KLF13: variants seen among roughly 807,000 people sequenced by gnomAD.
The protein encoded by KLF13 is KLF transcription factor 13, also known as Krueppel-like factor 13.
Under a neutral mutation model 16.7 loss-of-function variants are expected in KLF13, and 8 were observed. That is an observed-to-expected ratio of 0.48 (90% CI 0.28 to 0.87). The LOEUF (loss-of-function observed/expected upper bound fraction) is 0.87, where lower values mean the gene tolerates loss of function less well. Among genes scored for constraint, KLF13 ranks in the 40% least tolerant of loss-of-function variants. KLF13 has a pLI of 0.10. For synonymous variants in KLF13, 245 were observed against 208.4 expected, an observed-to-expected ratio of 1.18 and a Z score of -1.51; for missense variants, 447 against 452.2, an observed-to-expected ratio of 0.99 and a Z score of 0.10.
upstream of KLF13, among the ~76,000 whole-genome samples, chr15:31,391,631 G>T (rs1367094582): frequency 2.0e-5 from 3 of 151,478 alleles, no homozygotes; most frequent in Admixed American, 1.3e-4. Context: ...GACGCTTCCG[G>T]GAGGTCTAGG....
chr15:31,340,787 T>C (rs1234748922), intron 1 of KLF13, among the ~76,000 whole-genome samples: 4 of 152,134 alleles, frequency 2.6e-5, no homozygotes, highest in Non-Finnish European at 5.9e-5. Flanking sequence ...GAGGATCACT[T>C]GAGCCCAGGA....
chr15:31,386,224 G>A (rs746478226), intron 1 of KLF13, among the ~76,000 whole-genome samples: 8 of 152,236 alleles, frequency 5.3e-5, no homozygotes, highest in Non-Finnish European at 7.3e-5. Flanking sequence ...TAGGCTGGGC[G>A]CAGTGGCTCA....
intron 1 of KLF13, among the ~76,000 whole-genome samples, chr15:31,431,614 G>A (rs557816874): frequency 5.7e-4 from 87 of 152,130 alleles, no homozygotes; most frequent in African/African-American, 2.0e-3. Flanking sequence ...ACAGGCACCC[G>A]TCATCATGTC....
chr15:31,394,347 C>T (rs1273211706), intron 2 of KLF13, among the ~76,000 whole-genome samples: 3 of 152,076 alleles, frequency 2.0e-5, no homozygotes, highest in Non-Finnish European at 2.9e-5. Flanking sequence ...ATTAGCCTGG[C>T]GTGGTGGCGG....
intron 1 of KLF13, among the ~76,000 whole-genome samples, chr15:31,370,751 C>T (rs1030939337): frequency 6.6e-6 from 1 of 152,168 alleles, no homozygotes; most frequent in African/African-American, 2.4e-5. Flanking sequence ...TGTATGGTAT[C>T]CTCTTTGCTT....
rs1364944007 is a variant in KLF13 at position 31,327,063 on chromosome 15, C to A, written c.-150C>A. 1.5e-6 allele frequency: 1 copy of A among 656,026 alleles called. No individual in the cohort carries two copies. Among genetic ancestry groups the A allele is most frequent in the Non-Finnish European group, 2.0e-6 (1 of 503,616 alleles). The allele number at this position is 656,026 out of a possible 1,614,324, so 40.6% of individuals were successfully genotyped here. On this transcript the variant is annotated 5_prime_UTR_variant, in exon 1 of 2. Transcript: ENST00000307145. ...ACGCGGAGCCGCGCGGGTGACGGCA[C>A]AGGCGGCTGCGCGCCCAGCCCAGCC...
upstream of KLF13, among the ~76,000 whole-genome samples, chr15:31,392,414 C>G (rs919067329): frequency 6.6e-6 from 1 of 152,184 alleles, no homozygotes; most frequent in Admixed American, 6.5e-5. Context: ...GGTGCTGAGC[C>G]TCGAGCCGCC....
At chr15:31,424,162 A>T (rs1271036055) in intron 1 of KLF13, among the ~76,000 whole-genome samples, 1 of 152,170 alleles carries the variant, frequency 6.6e-6, no homozygotes, top group East Asian at 1.9e-4. Context: ...CAAACACTTA[A>T]AAAAGAATTA....
At chr15:31,407,792 A>G (rs2040146460), downstream of KLF13, among the ~76,000 whole-genome samples, 1 of 152,212 alleles carries the variant, frequency 6.6e-6, no homozygotes, top group South Asian at 2.1e-4. Context: ...AGGAGAAAAA[A>G]TTATTTGACT....
intron 1 of KLF13, among the ~76,000 whole-genome samples, chr15:31,330,898 A>T (rs2038819143): frequency 1.3e-5 from 2 of 152,230 alleles, no homozygotes; most frequent in South Asian, 4.1e-4. Context: ...CAAGACCAGG[A>T]GCAGATTTTC....
intron 1 of KLF13, among the ~76,000 whole-genome samples, chr15:31,387,524 C>CA (rs1423703898): frequency 6.6e-6 from 1 of 152,072 alleles, no homozygotes; most frequent in South Asian, 2.1e-4. Context: ...ACTGGGAAAC[C>CA]AAAAAATGTG....
rs759029711 is a variant in KLF13, at chr15:31,348,107, T to TG, written c.577+20320dup. On this transcript the variant is annotated intron_variant, in intron 1 of 1. Coordinates refer to ENST00000307145, the MANE Select transcript of KLF13 (RefSeq NM_015995.4). ...CTCGAACCCCAGGTGTTCTTGCTGGTGGAGGAAAGTGGAAAACACGCAGGC... is the reference window on the plus strand; with the variant it reads ...CTCGAACCCCAGGTGTTCTTGCTGGTGGGAGGAAAGTGGAAAACACGCAGGC... Among the ~76,000 whole-genome samples, 19 of 152,268 alleles carry TG rather than the reference T, an allele frequency of 1.2e-4. No individual in the cohort carries two copies. The East Asian group carries it at 3.1e-3, about 25-fold the overall frequency.
intron 1 of KLF13, among the ~76,000 whole-genome samples, chr15:31,343,345 C>T (rs550507909): frequency 2.6e-5 from 4 of 152,348 alleles, no homozygotes; most frequent in South Asian, 4.1e-4. Context: ...AGCCGTAAGG[C>T]GGGATGCAGT....
rs140548487 is a variant in KLF13, at chr15:31,386,439, C to T, written n.224-48931C>T. Among the ~76,000 whole-genome samples the T allele has an allele frequency of 9.0e-3, 1,377 of 152,224 alleles. 9 individuals carry two copies. Among genetic ancestry groups the T allele is most frequent in the Non-Finnish European group, 0.013 (872 of 68,024 alleles). ...ACTTGAATCTGGGAGGCGGAGGTTG[C>T]AGTGAGCCGAGATCGTGCCATTGCA... On this transcript the variant is annotated intron_variant and non_coding_transcript_variant, in intron 1 of 1. Coordinates refer to the KLF13 transcript ENST00000558921.
intron 1 of KLF13, among the ~76,000 whole-genome samples, chr15:31,361,885 C>T (rs2039396322): frequency 6.7e-6 from 1 of 150,106 alleles, no homozygotes; most frequent in South Asian, 2.1e-4. Context: ...GTCCCTTTCC[C>T]TACCCACCAC....
chr15:31,335,678 A>C (rs1205144312), intron 1 of KLF13, among the ~76,000 whole-genome samples: 1 of 152,080 alleles, frequency 6.6e-6, no homozygotes, highest in Admixed American at 6.5e-5. Flanking sequence ...ACTTGGCTGC[A>C]CTCCGTGGCC....
At chr15:31,356,903 G>A (rs2039309374) in intron 1 of KLF13, among the ~76,000 whole-genome samples, 1 of 152,080 alleles carries the variant, frequency 6.6e-6, no homozygotes. Flanking sequence ...CGGGCCCGTC[G>A]GGTGGCATCT....
chr15:31,353,567 A>G (rs2039250799), intron 1 of KLF13, among the ~76,000 whole-genome samples: 2 of 152,252 alleles, frequency 1.3e-5, no homozygotes, highest in African/African-American at 4.8e-5. Context: ...GCTGCAGAGA[A>G]CAAGCTGTTG....
chr15:31,398,742 A>G (rs1472942693), intron 2 of KLF13, among the ~76,000 whole-genome samples: 1 of 152,052 alleles, frequency 6.6e-6, no homozygotes, highest in African/African-American at 2.4e-5. Context: ...AGGCTGTTGG[A>G]GCTGAGAAGC....
Sources: allele counts gnomAD v4.1 joint callset (sites outside exome capture counted in the v4.1 genomes callset), GRCh38; gene constraint gnomAD v4.1.1; transcripts MANE v1.5; gene names NCBI Gene and HGNC (gene_info 2026-07-23, HGNC 2026-07-21).